Variants in MACROD2 observed in about 807,000 individuals in gnomAD.
MACROD2 encodes the protein mono-ADP ribosylhydrolase 2, also known as ADP-ribose glycohydrolase MACROD2.
In MACROD2, 36 loss-of-function variants were observed where a neutral mutation model predicts 70.4. The ratio of observed to expected loss-of-function variants is 0.51; its 90% CI spans 0.39 to 0.68. MACROD2 has a LOEUF of 0.68. Among genes scored for constraint, MACROD2 ranks in the 30% least tolerant of loss-of-function variants. MACROD2 has a pLI of 0.00. For missense variants in MACROD2, 496 were observed against 538.4 expected, an observed-to-expected ratio of 0.92 and a Z score of 0.78; for synonymous variants, 172 against 178.8, an observed-to-expected ratio of 0.96 and a Z score of 0.30.
chr20:15,881,031 C>T (rs2064747474), intron 9 of MACROD2, among the ~76,000 whole-genome samples: 1 of 152,084 alleles, frequency 6.6e-6, no homozygotes, highest in Admixed American at 6.6e-5. Context: ...ACCTTCTTCT[C>T]TGTTGTTTTG....
At chr20:15,602,027 CA>C (rs11476474) in intron 8 of MACROD2, among the ~76,000 whole-genome samples, 74,251 of 147,408 alleles carry the variant, frequency 0.5, 19,225 homozygotes, top group African/African-American at 0.69. Context: ...GACTCAGTCT[CA>C]AAAAAAAAAA....
chr20:14,095,669 C>T (rs1396343055), intron 3 of MACROD2, among the ~76,000 whole-genome samples: 2 of 152,150 alleles, frequency 1.3e-5, no homozygotes, highest in African/African-American at 4.8e-5. Context: ...GCTCTTGGAA[C>T]ACTATCAACC....
Position 14,776,180 on chromosome 20 carries a change from C to G in MACROD2, c.418+91221C>G, listed in dbSNP as rs1459208960. Reference sequence around the variant, plus strand: ...CATAGTAGGAGCAAACCATCGCCCTCTCATACAGCATAGGGAGGGATTTTC... The same window carrying G: ...CATAGTAGGAGCAAACCATCGCCCTGTCATACAGCATAGGGAGGGATTTTC... On this transcript the variant is annotated intron_variant, in intron 5 of 17. Transcript: ENST00000684519. Among the ~76,000 whole-genome samples, 2 of 151,998 alleles carry G rather than the reference C, an allele frequency of 1.3e-5. 1 individual carries two copies. Among genetic ancestry groups the G allele is most frequent in the Non-Finnish European group, 2.9e-5 (2 of 67,978 alleles).
intron 8 of MACROD2, among the ~76,000 whole-genome samples, chr20:15,718,038 T>TTTTTTTTA (rs2050731606): frequency 6.6e-6 from 1 of 151,418 alleles, no homozygotes; most frequent in African/African-American, 2.4e-5. Flanking sequence ...TTTTTTGTTT[T>TTTTTTTTA]GAGACGGAGT....
intron 5 of MACROD2, among the ~76,000 whole-genome samples, chr20:14,772,068 C>T (rs2072176000): frequency 6.6e-6 from 1 of 151,948 alleles, no homozygotes; most frequent in African/African-American, 2.4e-5. Flanking sequence ...TAAAAAGCGT[C>T]CGCCATCCTA....
At chr20:15,121,467 C>T (rs1286175610) in intron 5 of MACROD2, among the ~76,000 whole-genome samples, 3 of 143,676 alleles carry the variant, frequency 2.1e-5, no homozygotes, top group Admixed American at 7.3e-5. Flanking sequence ...GAGCCGAGAT[C>T]GAGCCATTGC....
chr20:14,628,938 A>G (rs1984349470), intron 4 of MACROD2: 1 of 152,118 alleles, frequency 6.6e-6, no homozygotes, highest in African/African-American at 2.4e-5. Flanking sequence ...ATTTCTTTGG[A>G]ACTTTGGTGA....
chr20:15,811,435 A>G (rs2063820672), intron 8 of MACROD2, among the ~76,000 whole-genome samples: 1 of 152,162 alleles, frequency 6.6e-6, no homozygotes, highest in Admixed American at 6.5e-5. Context: ...AAGTCAGGAA[A>G]CAACAGGTGC....
At chr20:15,472,131 C>T (rs761152164) in intron 7 of MACROD2, among the ~76,000 whole-genome samples, 1 of 152,270 alleles carries the variant, frequency 6.6e-6, no homozygotes, top group African/African-American at 2.4e-5. Flanking sequence ...TACCAACAAC[C>T]ACATAGGAAC....
At chr20:15,907,152 G>T (rs1426456610) in intron 10 of MACROD2, among the ~76,000 whole-genome samples, 1 of 152,194 alleles carries the variant, frequency 6.6e-6, no homozygotes, top group African/African-American at 2.4e-5. Flanking sequence ...CTTCAAGGAG[G>T]TTTGGTTTCT....
chr20:15,362,514 G>A (rs1370560884), intron 6 of MACROD2, among the ~76,000 whole-genome samples: 5 of 151,872 alleles, frequency 3.3e-5, no homozygotes, highest in Non-Finnish European at 5.9e-5. Flanking sequence ...AATAGATGTC[G>A]AATTTTGTCA....
chr20:15,862,777 A>G lies in MACROD2; in HGVS notation c.678A>G (p.Glu226=), dbSNP rs764124679. ...GGATCATTTTCTGTGTCTTCTTAGA[A>G]GTTGACTTCAAAATCTACAAAAAGA... ...VDRIIFCVFL[E]VDFKIYKKKM... is the part of the protein sequence containing the mutation. The change falls in exon 9 of 18, where the codon GAA becomes GAG. Residue 226 remains glutamate (E), a synonymous_variant. Coordinates refer to ENST00000684519, the MANE Select transcript of MACROD2 (RefSeq NM_001351661.2). The G allele has an allele frequency of 6.2e-6, 10 of 1,613,000 alleles. No homozygotes were observed. In the East Asian group the frequency reaches 2.0e-4, roughly 32 times the overall value.
chr20:14,021,135 G>A (rs1246662540), intron 2 of MACROD2, among the ~76,000 whole-genome samples: 4 of 151,698 alleles, frequency 2.6e-5, no homozygotes, highest in African/African-American at 4.8e-5. Flanking sequence ...GACTACAGGC[G>A]CCCACCACCA....
intron 3 of MACROD2, among the ~76,000 whole-genome samples, chr20:14,146,752 G>A (rs1344471674): frequency 6.6e-6 from 1 of 152,174 alleles, no homozygotes; most frequent in Non-Finnish European, 1.5e-5. Flanking sequence ...TAGATTGATA[G>A]GATGAAGGAA....
chr20:15,215,246 T>A (rs1258798714), intron 5 of MACROD2, among the ~76,000 whole-genome samples: 1 of 145,994 alleles, frequency 6.8e-6, no homozygotes, highest in African/African-American at 2.6e-5. Flanking sequence ...CTTTTTCTCC[T>A]GTATTTTGTG....
At chr20:15,598,625 G>T (rs1320645888) in intron 8 of MACROD2, among the ~76,000 whole-genome samples, 1 of 152,212 alleles carries the variant, frequency 6.6e-6, no homozygotes, top group East Asian at 1.9e-4. Flanking sequence ...TGTGAACTGA[G>T]CAGGAGAATA....
intron 5 of MACROD2, among the ~76,000 whole-genome samples, chr20:14,934,720 G>T (rs2074325801): frequency 6.6e-6 from 1 of 152,144 alleles, no homozygotes; most frequent in Admixed American, 6.5e-5. Context: ...TCAGGAGGTG[G>T]AGGTTGCAGT....
rs2063992838 is a variant in MACROD2, at chr20:15,825,911, AC to A, written c.646-36831del. ...ATGAAGAGCAGTCAATGTTTTCAGC[AC>A]CCTTCATTTATCTATAAAATTCAAA... On this transcript the variant is annotated intron_variant, in intron 8 of 17. Coordinates refer to ENST00000684519, the MANE Select transcript of MACROD2 (RefSeq NM_001351661.2). Among the ~76,000 whole-genome samples the A allele has an allele frequency of 2.0e-5, 3 of 152,204 alleles. No individual in the cohort carries two copies. In the South Asian group the frequency reaches 6.2e-4, roughly 32 times the overall value.
intron 3 of MACROD2, among the ~76,000 whole-genome samples, chr20:14,342,656 G>A (rs559896960): frequency 5.6e-4 from 86 of 152,226 alleles, no homozygotes; most frequent in Admixed American, 5.4e-3. Context: ...AGCAGGTCAC[G>A]GATGCCTTAG....
Sources: gnomAD v4.1 joint callset for allele counts (sites outside exome capture counted in the v4.1 genomes callset) on GRCh38, gnomAD v4.1.1 for gene constraint, MANE v1.5 for transcripts, NCBI Gene and HGNC (gene_info 2026-07-23, HGNC 2026-07-21) for gene names.